Variants in KCND2 observed in about 807,000 individuals in gnomAD.
The protein encoded by KCND2 is A-type voltage-gated potassium channel KCND2.
Under a neutral mutation model 54.4 loss-of-function variants are expected in KCND2, and 16 were observed. That is an observed-to-expected ratio of 0.29 (90% CI 0.20 to 0.45). The LOEUF (loss-of-function observed/expected upper bound fraction) is 0.45. Ranked by LOEUF, KCND2 falls within the 20% of genes least tolerant of loss-of-function variation. KCND2 has a pLI of 1.00. For missense variants in KCND2, 486 were observed against 824.2 expected, an observed-to-expected ratio of 0.59 and a Z score of 5.02; for synonymous variants, 317 against 310.7, an observed-to-expected ratio of 1.02 and a Z score of -0.21.
intron 1 of KCND2, among the ~76,000 whole-genome samples, chr7:120,277,352 A>C (rs1284992725): frequency 1.3e-5 from 2 of 152,074 alleles, no homozygotes; most frequent in Admixed American, 1.3e-4. Context: ...TCTTTATCAA[A>C]GAGGTTTGTT....
chr7:120,471,437 C>T (rs532701291), intron 1 of KCND2, among the ~76,000 whole-genome samples: 2 of 152,188 alleles, frequency 1.3e-5, no homozygotes, highest in Non-Finnish European at 2.9e-5. Flanking sequence ...AAAGACATCT[C>T]CAAATGATCT....
chr7:120,742,692 A>G, intron 4 of KCND2, 90 bp downstream of exon 4: 4 of 987,232 alleles, frequency 4.1e-6, no homozygotes, highest in Non-Finnish European at 6.5e-6. Context: ...GTGTGATTTC[A>G]CTGTCTGCAT....
rs1028220067 is a variant in KCND2 at position 120,289,291 on chromosome 7, A to AT, written c.1115+13546dup. 4.6e-4 allele frequency among the ~76,000 whole-genome samples: 70 copies of AT among 152,138 alleles called. 1 individual carries two copies. Among genetic ancestry groups the AT allele is most frequent in the African/African-American group, 1.6e-3 (67 of 41,512 alleles). Reference sequence around the variant, plus strand: ...CCTTATTTGCCACATTTCAATTCTCATTGGCAAGAGAGCTAAATAAAAATA... The same window carrying AT: ...CCTTATTTGCCACATTTCAATTCTCATTTGGCAAGAGAGCTAAATAAAAATA... On this transcript the variant is annotated intron_variant, in intron 1 of 5. Transcript: ENST00000331113.
chr7:120,492,504 A>C (rs922545832), intron 1 of KCND2, among the ~76,000 whole-genome samples: 15 of 152,022 alleles, frequency 9.9e-5, no homozygotes, highest in Non-Finnish European at 1.8e-4. Context: ...TATCGCTCAC[A>C]GTTCTGGAGG....
At chr7:120,310,656 G>A (rs1799724105) in intron 1 of KCND2, among the ~76,000 whole-genome samples, 1 of 152,162 alleles carries the variant, frequency 6.6e-6, no homozygotes, top group Non-Finnish European at 1.5e-5. Context: ...GGTGGCTCAC[G>A]GTTGTGGTGG....
intron 1 of KCND2, among the ~76,000 whole-genome samples, chr7:120,626,187 TC>T: frequency 6.6e-6 from 1 of 152,282 alleles, no homozygotes; most frequent in East Asian, 1.9e-4. Context: ...ATTTGCCTGG[TC>T]CATTTTTGTT....
chr7:120,654,663 G>A (rs1791778441), intron 1 of KCND2, among the ~76,000 whole-genome samples: 1 of 152,118 alleles, frequency 6.6e-6, no homozygotes, highest in Non-Finnish European at 1.5e-5. Flanking sequence ...TTACAATGGA[G>A]CAATATGCAA....
chr7:120,469,699 G>A (rs1562847396), intron 1 of KCND2, among the ~76,000 whole-genome samples: 1 of 152,042 alleles, frequency 6.6e-6, no homozygotes, highest in Non-Finnish European at 1.5e-5. Context: ...TGTGAACTGG[G>A]GTGAAATAGA....
chr7:120,706,575 A>G (rs911630638), intron 1 of KCND2, among the ~76,000 whole-genome samples: 7 of 152,170 alleles, frequency 4.6e-5, no homozygotes, highest in Non-Finnish European at 1.0e-4. Flanking sequence ...ATCACCTCTT[A>G]AAGGCCTCCT....
intron 2 of KCND2, among the ~76,000 whole-genome samples, chr7:120,735,888 T>C (rs1792863607): frequency 6.6e-6 from 1 of 151,964 alleles, no homozygotes; most frequent in African/African-American, 2.4e-5. Flanking sequence ...ATGAACTAAA[T>C]AAGTTACCAG....
chr7:120,557,657 C>CT (rs1792181340), intron 1 of KCND2, among the ~76,000 whole-genome samples: 1 of 152,070 alleles, frequency 6.6e-6, no homozygotes, highest in Admixed American at 6.6e-5. Flanking sequence ...GTGCCAACAA[C>CT]TTTTTTACTA....
At chr7:120,679,199 TA>T (rs1200522406) in intron 1 of KCND2, among the ~76,000 whole-genome samples, 1 of 152,018 alleles carries the variant, frequency 6.6e-6, no homozygotes, top group Non-Finnish European at 1.5e-5. Flanking sequence ...TAATTAGTTA[TA>T]TTTTTCATCA....
intron 1 of KCND2, among the ~76,000 whole-genome samples, chr7:120,492,977 A>T (rs1802805382): frequency 6.6e-6 from 1 of 151,952 alleles, no homozygotes; most frequent in Admixed American, 6.6e-5. Flanking sequence ...AAAGTCAAAA[A>T]ACTGTAAGTA....
chr7:120,701,392 G>A (rs752909779), intron 1 of KCND2, among the ~76,000 whole-genome samples: 11 of 151,900 alleles, frequency 7.2e-5, no homozygotes, highest in Non-Finnish European at 1.3e-4. Context: ...AGGGAGACTG[G>A]AACAAGAAGC....
intron 1 of KCND2, among the ~76,000 whole-genome samples, chr7:120,710,590 A>G (rs1257275121): frequency 6.6e-6 from 1 of 152,154 alleles, no homozygotes; most frequent in Non-Finnish European, 1.5e-5. Flanking sequence ...ATCCCAGTTC[A>G]GAAAGCATAT....
At chr7:120,538,760 C>T (rs889179785) in intron 1 of KCND2, among the ~76,000 whole-genome samples, 1 of 152,160 alleles carries the variant, frequency 6.6e-6, no homozygotes, top group Admixed American at 6.6e-5. Context: ...ACCCCATGGG[C>T]AGGAGGCCGA....
chr7:120,553,102 A>G (rs910510845), intron 1 of KCND2, among the ~76,000 whole-genome samples: 1 of 152,192 alleles, frequency 6.6e-6, no homozygotes, highest in Admixed American at 6.5e-5. Flanking sequence ...ATTATCATTA[A>G]CATGTTCCTC....
intron 1 of KCND2, among the ~76,000 whole-genome samples, chr7:120,463,862 G>C (rs1392197247): frequency 6.6e-6 from 1 of 151,398 alleles, no homozygotes; most frequent in African/African-American, 2.4e-5. Flanking sequence ...ATTATTGAAG[G>C]GTAAGAATTG....
At chr7:120,339,439 T>C (rs893366725) in intron 1 of KCND2, among the ~76,000 whole-genome samples, 3 of 152,098 alleles carry the variant, frequency 2.0e-5, no homozygotes, top group African/African-American at 4.8e-5. Flanking sequence ...TTATTAATTA[T>C]CCTTTAGATG....
Sources: gnomAD v4.1 joint callset for allele counts (sites outside exome capture counted in the v4.1 genomes callset) on GRCh38, gnomAD v4.1.1 for gene constraint, MANE v1.5 for transcripts, NCBI Gene and HGNC (gene_info 2026-07-23, HGNC 2026-07-21) for gene names.